Variants in TEC observed in about 807,000 individuals in gnomAD.
TEC encodes the protein tyrosine-protein kinase Tec.
In TEC, 72 loss-of-function variants were observed where a neutral mutation model predicts 93.0. The observed-to-expected ratio is 0.77, with a 90% CI of 0.64 to 0.94. TEC has a LOEUF of 0.94. Among genes scored for constraint, TEC ranks in the 40% least tolerant of loss-of-function variants. TEC has a pLI of 0.00. For synonymous variants in TEC, 249 were observed against 247.7 expected (o/e 1.01, Z -0.05); for missense variants, 630 against 757.9 (o/e 0.83, Z 1.98).
At chr4:48,229,131 T>C (rs1420236889) in intron 1 of TEC, among the ~76,000 whole-genome samples, 2 of 152,186 alleles carry the variant, frequency 1.3e-5, no homozygotes, top group African/African-American at 4.8e-5. Context: ...ATATGATTCA[T>C]ACTCCAGCTC....
chr4:48,161,446 T>C (rs1228969064), intron 8 of TEC, among the ~76,000 whole-genome samples: 1 of 152,024 alleles, frequency 6.6e-6, no homozygotes, highest in East Asian at 1.9e-4. Flanking sequence ...CTCCCTACAC[T>C]GTTGACTGGG....
At chr4:48,144,652 T>C (rs948829402) in intron 14 of TEC, among the ~76,000 whole-genome samples, 1 of 152,264 alleles carries the variant, frequency 6.6e-6, no homozygotes, top group South Asian at 2.1e-4. Context: ...ATTTCTCTTA[T>C]AGTTTCTTTT....
rs558185949 is a variant in TEC, at chr4:48,190,550, T to TG, written c.139-14365dup. Among the ~76,000 whole-genome samples, 17 of 152,326 alleles carry TG rather than the reference T, an allele frequency of 1.1e-4. No homozygotes were observed. In the South Asian group the frequency reaches 3.3e-3, roughly 30 times the overall value. On this transcript the variant is annotated intron_variant, in intron 2 of 17. Coordinates refer to ENST00000381501, the MANE Select transcript of TEC (RefSeq NM_003215.3). ...TATAATCGAGGTAGGAAATAAGTCA[T>TG]GGACAGCATTTTGACGCCCTAGCAA...
intron 14 of TEC, among the ~76,000 whole-genome samples, chr4:48,143,042 TA>T (rs1279122585): frequency 6.6e-6 from 1 of 152,242 alleles, no homozygotes; most frequent in Non-Finnish European, 1.5e-5. Context: ...TGACTGTTCA[TA>T]ATTCTATTTT....
intron 2 of TEC, among the ~76,000 whole-genome samples, chr4:48,194,314 T>C (rs749258014): frequency 6.6e-6 from 1 of 152,210 alleles, no homozygotes; most frequent in Non-Finnish European, 1.5e-5. Flanking sequence ...TGCACACAAT[T>C]ATGGACTGGA....
chr4:48,247,343 G>A (rs1257756604), intron 1 of TEC, among the ~76,000 whole-genome samples: 1 of 152,154 alleles, frequency 6.6e-6, no homozygotes, highest in African/African-American at 2.4e-5. Context: ...TTCCTCAAAA[G>A]TTAAACATAG....
chr4:48,170,482 A>T (rs1721055356), intron 4 of TEC, 106 bp from the exon 5 acceptor site: 1 of 770,762 alleles, frequency 1.3e-6, no homozygotes, highest in Non-Finnish European at 2.0e-6. Context: ...CACTATGTTT[A>T]CTATAAGAAC....
At position 48,156,449 on chromosome 4, in the gene TEC, G is replaced by GCCA. The variant is rs1284568454; in HGVS notation, c.792+228_792+230dup. ...CAGGTGTGGGGATAACTGTCCTGAG[G>GCCA]CCACCCATGATTACTTCTGTTTGTA... On this transcript the variant is annotated intron_variant, in intron 9 of 17. Coordinates refer to ENST00000381501, the MANE Select transcript of TEC (RefSeq NM_003215.3). Among the ~76,000 whole-genome samples, 11 of 152,278 alleles carry GCCA rather than the reference G, an allele frequency of 7.2e-5. No individual in the cohort carries two copies. In the South Asian group the frequency reaches 1.2e-3, roughly 17 times the overall value.
intron 11 of TEC, among the ~76,000 whole-genome samples, chr4:48,148,134 G>T (rs1719995668): frequency 6.6e-6 from 1 of 152,102 alleles, no homozygotes; most frequent in African/African-American, 2.4e-5. Context: ...TTCTTCTTGG[G>T]ATGATGACAA....
chr4:48,174,729 C>T lies in TEC; in HGVS notation c.243+1353G>A, dbSNP rs73138418. Among the ~76,000 whole-genome samples, 1,182 of 151,538 alleles carry T rather than the reference C, an allele frequency of 7.8e-3. 13 individuals are homozygous for T. The highest frequency in any genetic ancestry group is 0.025 in the African/African-American group (1,032 of 41,256). On this transcript the variant is annotated intron_variant, in intron 3 of 17. Coordinates refer to ENST00000381501, the MANE Select transcript of TEC (RefSeq NM_003215.3). ...AAATTTCCATTATATATGCATTAAA[C>T]ATACTTAAGAAGAAGGTTTAAATTT...
chr4:48,193,034 A>G (rs972532249), intron 2 of TEC, among the ~76,000 whole-genome samples: 4 of 152,174 alleles, frequency 2.6e-5, no homozygotes, highest in Admixed American at 2.0e-4. Context: ...GAATAAGTCA[A>G]TGAATGAATG....
intron 2 of TEC, among the ~76,000 whole-genome samples, chr4:48,204,550 A>T (rs568929834): frequency 6.4e-4 from 98 of 152,284 alleles, no homozygotes; most frequent in African/African-American, 2.3e-3. Flanking sequence ...TACAGCTATT[A>T]TCTAAGTCCC....
intron 1 of TEC, among the ~76,000 whole-genome samples, chr4:48,239,620 C>A (rs113447710): frequency 6.6e-6 from 1 of 152,182 alleles, no homozygotes; most frequent in Non-Finnish European, 1.5e-5. Flanking sequence ...TGTTCCTTGG[C>A]CACAGTATTC....
intron 2 of TEC, among the ~76,000 whole-genome samples, chr4:48,182,334 T>C: frequency 6.6e-6 from 1 of 151,834 alleles, no homozygotes; most frequent in East Asian, 1.9e-4. Flanking sequence ...AGGTCATTAC[T>C]TTTTTTTGTG....
rs1309882435 is a variant in TEC at position 48,247,245 on chromosome 4, T to C, written c.-45-18586A>G. Among the ~76,000 whole-genome samples, 4 of 152,198 alleles carry C rather than the reference T, an allele frequency of 2.6e-5. No homozygotes were observed. The South Asian group carries it at 8.3e-4, about 31-fold the overall frequency. On this transcript the variant is annotated intron_variant, in intron 1 of 17. Coordinates refer to ENST00000381501, the MANE Select transcript of TEC (RefSeq NM_003215.3). Reference sequence around the variant, plus strand: ...CCAAAAAATAGAAACTGAACAAGTATTAGCAAGAATGTGGAGAAATCAGAA... The same window carrying C: ...CCAAAAAATAGAAACTGAACAAGTACTAGCAAGAATGTGGAGAAATCAGAA...
chr4:48,267,867 G>A (rs1724680235), intron 1 of TEC, among the ~76,000 whole-genome samples: 1 of 152,332 alleles, frequency 6.6e-6, no homozygotes, highest in East Asian at 1.9e-4. Context: ...GGAACAGCTG[G>A]GGCAGGGAGG....
At chr4:48,193,359 C>G (rs750616056) in intron 2 of TEC, among the ~76,000 whole-genome samples, 3 of 152,026 alleles carry the variant, frequency 2.0e-5, no homozygotes, top group Non-Finnish European at 4.4e-5. Flanking sequence ...CTGCAGTTCT[C>G]TCAGACCTAT....
At chr4:48,157,484 C>T (rs937829732) in intron 8 of TEC, among the ~76,000 whole-genome samples, 9 of 152,210 alleles carry the variant, frequency 5.9e-5, no homozygotes, top group Non-Finnish European at 1.0e-4. Context: ...TTCCACCACC[C>T]TGTGCCACAT....
chr4:48,144,257 GA>G (rs1285855919), intron 14 of TEC, among the ~76,000 whole-genome samples: 4 of 152,142 alleles, frequency 2.6e-5, no homozygotes, highest in Non-Finnish European at 5.9e-5. Context: ...CTTTCTAAAA[GA>G]AATGTGTCCA....
Sources: allele counts gnomAD v4.1 joint callset (sites outside exome capture counted in the v4.1 genomes callset), GRCh38; gene constraint gnomAD v4.1.1; transcripts MANE v1.5; gene names NCBI Gene and HGNC (gene_info 2026-07-23, HGNC 2026-07-21).